The following WDR7 variants were observed in gnomAD, a reference collection of about 807,000 sequenced individuals.
WDR7 encodes the protein WD repeat domain 7.
Under a neutral mutation model 169.4 loss-of-function variants are expected in WDR7, and 46 were observed. The observed-to-expected ratio is 0.27, with a 90% CI of 0.21 to 0.35. WDR7 has a LOEUF of 0.35. WDR7 is among the 10% of genes least tolerant of loss of function. The pLI is 1.00. For missense variants in WDR7, 1,534 were observed against 1,859.3 expected, an observed-to-expected ratio of 0.83 and a Z score of 3.22; for synonymous variants, 612 against 666.8, an observed-to-expected ratio of 0.92 and a Z score of 1.27.
At position 57,009,051 on chromosome 18, in the gene WDR7, A is replaced by C. The variant is rs369679231; in HGVS notation, c.4165-11694A>C. On this transcript the variant is annotated intron_variant, in intron 26 of 27. Coordinates refer to ENST00000254442, the MANE Select transcript of WDR7 (RefSeq NM_015285.3). ...AGTCTAAGTATAAGTCAGAGGACTG[A>C]CAAGTAATGTCAGTGTTATTTTGCC... Among the ~76,000 whole-genome samples the C allele has an allele frequency of 5.3e-4, 81 of 152,354 alleles. 1 individual carries two copies. Among genetic ancestry groups the C allele is most frequent in the Middle Eastern group, 6.8e-3 (2 of 294 alleles).
rs139979924 is a variant in WDR7 at position 56,807,836 on chromosome 18, A to G, written c.3191-8195A>G. Among the ~76,000 whole-genome samples, 1,241 of 152,288 alleles carry G rather than the reference A, an allele frequency of 8.1e-3. 20 individuals are homozygous for G. The highest frequency in any genetic ancestry group is 0.026 in the African/African-American group (1,087 of 41,560). ...TTTCTCTAATTACTTTGTGGACTTT[A>G]ATAAACTAACTTTATTGTTTTTGAT... On this transcript the variant is annotated intron_variant, in intron 19 of 27. Transcript: ENST00000254442.
At chr18:56,919,933 G>GT (rs1287390456) in intron 21 of WDR7, among the ~76,000 whole-genome samples, 3 of 152,034 alleles carry the variant, frequency 2.0e-5, no homozygotes, top group Non-Finnish European at 2.9e-5. Flanking sequence ...CTTTGTAATG[G>GT]TTTTTTATTA....
chr18:56,808,694 A>G (rs998462485), intron 19 of WDR7, among the ~76,000 whole-genome samples: 7 of 152,146 alleles, frequency 4.6e-5, no homozygotes, highest in African/African-American at 1.2e-4. Context: ...TTACTCAGAT[A>G]TTGTTAGCCA....
chr18:56,974,169 A>G (rs1357380606), intron 26 of WDR7, among the ~76,000 whole-genome samples: 2 of 152,238 alleles, frequency 1.3e-5, no homozygotes, highest in Non-Finnish European at 2.9e-5. Flanking sequence ...TTTTACAGTT[A>G]TCTCACACCT....
intron 26 of WDR7, among the ~76,000 whole-genome samples, chr18:56,983,094 A>G (rs1239719762): frequency 6.6e-6 from 1 of 152,196 alleles, no homozygotes; most frequent in African/African-American, 2.4e-5. Context: ...CAAATTATCT[A>G]ATAATAGGTA....
In WDR7 at chr18:56,676,717, G is replaced by GT. The variant is rs1054564787; in HGVS notation, c.160-2605dup. ...TTTAACTTTTTTTTTTGTTTTTTTGGTTTTTTTTTTGGGAGACAGGGTCCC... is the reference window on the plus strand; with the variant it reads ...TTTAACTTTTTTTTTTGTTTTTTTGGTTTTTTTTTTTGGGAGACAGGGTCCC... On this transcript the variant is annotated intron_variant, in intron 2 of 27. Coordinates refer to ENST00000254442, the MANE Select transcript of WDR7 (RefSeq NM_015285.3). Among the ~76,000 whole-genome samples the GT allele has an allele frequency of 6.4e-4, 93 of 145,464 alleles. 1 individual carries two copies. The highest frequency in any genetic ancestry group is 1.2e-3 in the Admixed American group (17 of 14,472).
intron 19 of WDR7, among the ~76,000 whole-genome samples, chr18:56,804,713 T>C (rs1340600476): frequency 2.0e-5 from 3 of 152,228 alleles, no homozygotes; most frequent in Admixed American, 6.5e-5. Flanking sequence ...AGTCTTTTGA[T>C]GAGAATGATC....
intron 7 of WDR7, among the ~76,000 whole-genome samples, chr18:56,687,701 A>G (rs1389862430): frequency 6.6e-6 from 1 of 152,160 alleles, no homozygotes; most frequent in African/African-American, 2.4e-5. Context: ...ATCATAGTTC[A>G]CTACAGCCTT....
intron 26 of WDR7, among the ~76,000 whole-genome samples, chr18:56,977,763 G>A (rs2047588177): frequency 6.6e-6 from 1 of 152,140 alleles, no homozygotes; most frequent in Non-Finnish European, 1.5e-5. Flanking sequence ...AGGGATATAA[G>A]AAAACATCTA....
intron 26 of WDR7, among the ~76,000 whole-genome samples, chr18:57,017,620 C>G (rs1018337068): frequency 6.6e-6 from 1 of 151,806 alleles, no homozygotes; most frequent in East Asian, 1.9e-4. Flanking sequence ...CAAATGAAAA[C>G]GGAACAGTGA....
chr18:56,659,837 G>A (rs530684929), intron 1 of WDR7, among the ~76,000 whole-genome samples: 13 of 152,192 alleles, frequency 8.5e-5, no homozygotes, highest in African/African-American at 3.1e-4. Context: ...GGAAGATTTT[G>A]AGATGTGATC....
At chr18:56,980,607 TG>T (rs1404092914) in intron 26 of WDR7, among the ~76,000 whole-genome samples, 1 of 152,166 alleles carries the variant, frequency 6.6e-6, no homozygotes, top group African/African-American at 2.4e-5. Flanking sequence ...ATAAATACTA[TG>T]AAGAAAAGTA....
intron 19 of WDR7, among the ~76,000 whole-genome samples, chr18:56,792,215 C>A (rs1197481421): frequency 6.6e-6 from 1 of 152,080 alleles, no homozygotes; most frequent in African/African-American, 2.4e-5. Context: ...AAGGGGTCTT[C>A]CTATGTTGCC....
intron 19 of WDR7, among the ~76,000 whole-genome samples, chr18:56,793,397 T>C (rs2044526125): frequency 6.6e-6 from 1 of 152,220 alleles, no homozygotes; most frequent in African/African-American, 2.4e-5. Flanking sequence ...ATGAATTGCC[T>C]GTCGTTGGAT....
At chr18:56,892,635 C>T (rs558432503) in intron 21 of WDR7, among the ~76,000 whole-genome samples, 156 of 152,118 alleles carry the variant, frequency 1.0e-3, no homozygotes, top group African/African-American at 3.5e-3. Context: ...CTATAGAAAT[C>T]GTATGGCCTG....
intron 26 of WDR7, among the ~76,000 whole-genome samples, chr18:56,994,141 C>T (rs1315299658): frequency 6.6e-6 from 1 of 151,718 alleles, no homozygotes; most frequent in South Asian, 2.1e-4. Flanking sequence ...CACCTCAGCC[C>T]CACAAGTAGC....
intron 1 of WDR7, among the ~76,000 whole-genome samples, chr18:56,652,171 T>G (rs1210492237): frequency 6.6e-6 from 1 of 152,144 alleles, no homozygotes; most frequent in Non-Finnish European, 1.5e-5. Flanking sequence ...ATTCAAAAAT[T>G]GCTGTTTTAT....
rs139346345 is a variant in WDR7, at chr18:56,883,890, C to T, written c.3526+3725C>T. Among the ~76,000 whole-genome samples, 40 of 152,264 alleles carry T rather than the reference C, an allele frequency of 2.6e-4. 1 individual carries two copies. Among genetic ancestry groups the T allele is most frequent in the African/African-American group, 9.4e-4 (39 of 41,544 alleles). On this transcript the variant is annotated intron_variant, in intron 21 of 27. Coordinates refer to ENST00000254442, the MANE Select transcript of WDR7 (RefSeq NM_015285.3). ...TACTCCATGGTGTGTATATATACCA[C>T]AATTTCTTTATCCAGTCATTGATTG... is the stretch of plus-strand genomic sequence containing the variant.
chr18:56,676,624 A>G (rs2025249120), intron 2 of WDR7, among the ~76,000 whole-genome samples: 1 of 152,116 alleles, frequency 6.6e-6, no homozygotes, highest in East Asian at 1.9e-4. Flanking sequence ...TGATAATAAC[A>G]CTATTTGCAT....
Sources: allele counts gnomAD v4.1 joint callset (sites outside exome capture counted in the v4.1 genomes callset), GRCh38; gene constraint gnomAD v4.1.1; transcripts MANE v1.5; gene names NCBI Gene and HGNC (gene_info 2026-07-23, HGNC 2026-07-21).